The following GAS6 variants were observed in gnomAD, a reference collection of about 807,000 sequenced individuals.
The protein encoded by GAS6 is growth arrest specific 6.
In GAS6, 41 loss-of-function variants were observed where a neutral mutation model predicts 75.8. The ratio of observed to expected loss-of-function variants is 0.54; its 90% CI spans 0.42 to 0.70. The LOEUF (loss-of-function observed/expected upper bound fraction) is 0.70, where lower values mean the gene tolerates loss of function less well. GAS6 is among the 30% of genes least tolerant of loss of function. The pLI, the probability that GAS6 is intolerant of heterozygous loss-of-function variation, is 0.00. For synonymous variants in GAS6, 432 were observed against 412.6 expected (o/e 1.05, Z -0.57); for missense variants, 854 against 940.2 (o/e 0.91, Z 1.20).
Position 113,837,143 on chromosome 13 carries a change from G to A in GAS6, c.589+926C>T, listed in dbSNP as rs905266659. Among the ~76,000 whole-genome samples the A allele has an allele frequency of 1.3e-5, 2 of 151,956 alleles. No homozygotes were observed. The highest frequency in any genetic ancestry group is 4.8e-5 in the African/African-American group (2 of 41,314). The stretch of plus-strand genomic sequence containing the variant: ...ATAGAGCAGTGATGGGAGGGGCTCT[G>A]TCCTCGGCGGGGAAATGGGTTTATG... On this transcript the variant is annotated intron_variant, in intron 6 of 14. Coordinates refer to ENST00000327773, the MANE Select transcript of GAS6 (RefSeq NM_000820.4). The surrounding 1 kb of genome is among the most constrained non-coding windows in gnomAD (Gnocchi z 5.1).
chr13:113,851,685 GAATGA>G (rs1660169498), intron 2 of GAS6, among the ~76,000 whole-genome samples: 1 of 152,230 alleles, frequency 6.6e-6, no homozygotes, highest in Non-Finnish European at 1.5e-5. Flanking sequence ...ATGGGTGAAT[GAATGA>G]ATCAGTGGGC....
intron 10 of GAS6, among the ~76,000 whole-genome samples, chr13:113,831,432 C>T (rs2051629070): frequency 6.6e-6 from 1 of 152,164 alleles, no homozygotes; most frequent in African/African-American, 2.4e-5. Flanking sequence ...GGCGGGAGCT[C>T]TGGGCTGTGG....
chr13:113,833,721 C>G (rs1231380013), intron 8 of GAS6: 18 of 993,710 alleles, frequency 1.8e-5, no homozygotes, highest in Non-Finnish European at 2.0e-5. Flanking sequence ...GTGACAGGCA[C>G]CGGTGTGACA....
intron 8 of GAS6, 27 bp from the exon 9 acceptor site, chr13:113,832,779 C>A (rs753723766): frequency 2.5e-6 from 4 of 1,611,868 alleles, no homozygotes; most frequent in Admixed American, 3.3e-5. Context: ...CCACGCCGGT[C>A]GGGGATGTGG....
Position 113,822,202 on chromosome 13 carries a change from G to A in GAS6, c.1654-16C>T, listed in dbSNP as rs1220484193. ...GGACCACCAGCTGCAGGAGACCGAG[G>A]TGTGGTCAGGGCCTGCCGGCCACCC... On this transcript the variant is annotated splice_polypyrimidine_tract_variant and intron_variant, in intron 13 of 14. Coordinates refer to ENST00000327773, the MANE Select transcript of GAS6 (RefSeq NM_000820.4). The A allele has an allele frequency of 2.0e-6, 3 of 1,513,412 alleles. No homozygotes were observed. The highest frequency in any genetic ancestry group is 2.4e-5 in the East Asian group (1 of 41,976). The allele number at this position is 1,513,412 out of a possible 1,614,324, so 93.7% of individuals were successfully genotyped here.
chr13:113,850,893 G>A (rs1566371954), intron 2 of GAS6, among the ~76,000 whole-genome samples: 1 of 152,206 alleles, frequency 6.6e-6, no homozygotes. Context: ...TGAATGGATG[G>A]ATGAGTGAAT....
chr13:113,851,381 G>A (rs1043992891), intron 2 of GAS6, among the ~76,000 whole-genome samples: 3 of 151,372 alleles, frequency 2.0e-5, no homozygotes, highest in Non-Finnish European at 4.4e-5. Flanking sequence ...ATGAGTGAGT[G>A]GGTAGATGAG....
chr13:113,846,504 A>G, intron 4 of GAS6, 23 bp downstream of exon 4: 2 of 1,611,344 alleles, frequency 1.2e-6, no homozygotes, highest in Non-Finnish European at 1.7e-6. Flanking sequence ...GCTCCCAGGA[A>G]GGCGCAAAGG....
chr13:113,859,737 C>T (rs1224471065), intron 2 of GAS6, among the ~76,000 whole-genome samples: 2 of 149,448 alleles, frequency 1.3e-5, no homozygotes, highest in Middle Eastern at 3.4e-3. Flanking sequence ...TGCTGGTGTC[C>T]ATGTGTGAAT....
chr13:113,857,227 T>A (rs571571282), intron 2 of GAS6, among the ~76,000 whole-genome samples: 1 of 152,362 alleles, frequency 6.6e-6, no homozygotes, highest in South Asian at 2.1e-4. Flanking sequence ...CAATGCACTT[T>A]ACTATTTCTT....
At chr13:113,857,797 C>T (rs963319115) in intron 2 of GAS6, among the ~76,000 whole-genome samples, 6 of 152,236 alleles carry the variant, frequency 3.9e-5, no homozygotes, top group Admixed American at 3.9e-4. Flanking sequence ...TGAAGCTCTC[C>T]GGCTCGGGTG....
At chr13:113,857,600 T>C (rs1048470272) in intron 2 of GAS6, among the ~76,000 whole-genome samples, 12 of 152,258 alleles carry the variant, frequency 7.9e-5, no homozygotes, top group African/African-American at 2.9e-4. Context: ...TCAATCGCTC[T>C]GGGGTAAAGC....
chr13:113,840,051 G>A (rs1432973042), intron 4 of GAS6: 13 of 666,290 alleles, frequency 2.0e-5, no homozygotes, highest in African/African-American at 1.9e-5. Context: ...CCCTGGGGCC[G>A]GCTCCAGGAA....
chr13:113,848,120 A>T lies in GAS6; in HGVS notation c.256-70T>A. 6.5e-7 allele frequency: 1 copy of T among 1,529,402 alleles called. No homozygotes were observed. The highest frequency in any genetic ancestry group is 8.9e-7 in the Non-Finnish European group (1 of 1,117,706). The allele number at this position is 1,529,402 out of a possible 1,614,324, so 94.7% of individuals were successfully genotyped here. ...ACGAGGGTCTCTGAACAACATAAGC[A>T]TCAGCTGGTTAATCAGAGGCTGCTC... On this transcript the variant is annotated intron_variant, in intron 2 of 14. Transcript: ENST00000327773. This position sits in a 1 kb window ranked among gnomAD's most constrained non-coding sequence, Gnocchi z 4.8.
chr13:113,854,875 C>A (rs575908976), intron 2 of GAS6, among the ~76,000 whole-genome samples: 1 of 152,162 alleles, frequency 6.6e-6, no homozygotes, highest in Admixed American at 6.5e-5. Context: ...CAGAAGGGAG[C>A]CTGGGAAAGT....
chr13:113,820,780 A>G lies in GAS6; in HGVS notation c.*84T>C. 1 of 1,430,356 alleles carries G rather than the reference A, an allele frequency of 7.0e-7. No homozygotes were observed. The highest frequency in any genetic ancestry group is 9.4e-7 in the Non-Finnish European group (1 of 1,058,830). The allele number at this position is 1,430,356 out of a possible 1,614,324, so 88.6% of individuals were successfully genotyped here. A position where few individuals can be genotyped will look rare whatever the true frequency, so the allele number is the denominator to read the frequency against. On this transcript the variant is annotated 3_prime_UTR_variant, in exon 15 of 15. Coordinates refer to ENST00000327773, the MANE Select transcript of GAS6 (RefSeq NM_000820.4). ...CACAGAGGAAAGCCCAGCTCTCAGC[A>G]TGGCCCCACGTGGTGAGGAGCCCCC...
Position 113,827,240 on chromosome 13 carries a change from C to T in GAS6, c.1309-76G>A, listed in dbSNP as rs76837733. The T allele has an allele frequency of 2.5e-3, 3,646 of 1,481,122 alleles. 70 individuals are homozygous for T. In the African/African-American group the frequency reaches 0.044, roughly 18 times the overall value. The allele number at this position is 1,481,122 out of a possible 1,614,324, so 91.7% of individuals were successfully genotyped here. On this transcript the variant is annotated intron_variant, in intron 11 of 14. Transcript: ENST00000327773. ...GCCGGATGCCCCAGTCGGTGGGTGGCGCCTTCGCGGCCCTGGTATGTGCAG... is the reference window on the plus strand; with the variant it reads ...GCCGGATGCCCCAGTCGGTGGGTGGTGCCTTCGCGGCCCTGGTATGTGCAG...
chr13:113,859,863 TC>T (rs1232112749), intron 2 of GAS6, among the ~76,000 whole-genome samples: 1 of 152,006 alleles, frequency 6.6e-6, no homozygotes, highest in African/African-American at 2.4e-5. Flanking sequence ...TGTACAGCCC[TC>T]CCCTCCAACA....
chr13:113,850,011 A>G (rs772925360), intron 2 of GAS6, among the ~76,000 whole-genome samples: 13 of 152,148 alleles, frequency 8.5e-5, no homozygotes, highest in Non-Finnish European at 1.5e-4. Flanking sequence ...TCTGGTACAC[A>G]CTCCCAAGAA....
Sources: allele counts gnomAD v4.1 joint callset (sites outside exome capture counted in the v4.1 genomes callset), GRCh38; gene constraint gnomAD v4.1.1; non-coding constraint Gnocchi (gnomAD v3.1); transcripts MANE v1.5; gene names NCBI Gene and HGNC (gene_info 2026-07-23, HGNC 2026-07-21).